The following CCSER1 variants were observed in gnomAD, a reference collection of about 807,000 sequenced individuals.
The protein encoded by CCSER1 is serine-rich coiled-coil domain-containing protein 1.
Under a neutral mutation model 82.0 loss-of-function variants are expected in CCSER1, and 41 were observed. The observed-to-expected ratio is 0.50, with a 90% CI of 0.39 to 0.65. The LOEUF (loss-of-function observed/expected upper bound fraction) is 0.65. CCSER1 is among the 30% of genes least tolerant of loss of function. The pLI, the probability that CCSER1 is intolerant of heterozygous loss-of-function variation, is 0.00. For synonymous variants in CCSER1, 414 were observed against 383.9 expected (o/e 1.08, Z -0.92); for missense variants, 1,119 against 1,064.2 (o/e 1.05, Z -0.72).
chr4:90,964,051 C>G (rs1734301438), intron 9 of CCSER1, among the ~76,000 whole-genome samples: 1 of 152,074 alleles, frequency 6.6e-6, no homozygotes, highest in Non-Finnish European at 1.5e-5. Context: ...CTTTTTTACA[C>G]TATTTGTGGA....
At chr4:90,667,041 G>A (rs1378805895) in intron 6 of CCSER1, among the ~76,000 whole-genome samples, 1 of 152,146 alleles carries the variant, frequency 6.6e-6, no homozygotes, top group African/African-American at 2.4e-5. Context: ...AAACTGCATG[G>A]TCTTTGGAAG....
At chr4:90,386,904 G>GT (rs993637833) in intron 3 of CCSER1, among the ~76,000 whole-genome samples, 1 of 151,906 alleles carries the variant, frequency 6.6e-6, no homozygotes, top group African/African-American at 2.4e-5. Flanking sequence ...CTAATATGGT[G>GT]TTTTTTTATG....
chr4:90,901,068 GTTTA>G (rs1724575822), intron 8 of CCSER1, among the ~76,000 whole-genome samples: 1 of 151,768 alleles, frequency 6.6e-6, no homozygotes, highest in Non-Finnish European at 1.5e-5. Flanking sequence ...AAAAACTGTT[GTTTA>G]TTTAAAGCCT....
intron 10 of CCSER1, among the ~76,000 whole-genome samples, chr4:91,258,060 T>C (rs551480963): frequency 5.3e-5 from 8 of 152,246 alleles, no homozygotes; most frequent in African/African-American, 1.4e-4. Context: ...TGAGACTTCA[T>C]ACCCAATATT....
chr4:90,428,403 T>C (rs552210533), intron 4 of CCSER1, among the ~76,000 whole-genome samples: 1 of 152,012 alleles, frequency 6.6e-6, no homozygotes, highest in East Asian at 1.9e-4. Flanking sequence ...GTATAACTTC[T>C]GACTCCCCCA....
intron 3 of CCSER1, among the ~76,000 whole-genome samples, chr4:90,351,059 A>G (rs532991898): frequency 6.6e-6 from 1 of 152,346 alleles, no homozygotes; most frequent in Admixed American, 6.5e-5. Flanking sequence ...GGGAAAAATA[A>G]CAAGAGGGCA....
At chr4:90,221,929 A>C (rs925715929) in intron 1 of CCSER1, among the ~76,000 whole-genome samples, 2 of 152,186 alleles carry the variant, frequency 1.3e-5, no homozygotes, top group African/African-American at 4.8e-5. Context: ...ATATTAGATA[A>C]ATGAAATATT....
At chr4:90,602,007 G>A (rs1400199462) in intron 5 of CCSER1, among the ~76,000 whole-genome samples, 1 of 152,034 alleles carries the variant, frequency 6.6e-6, no homozygotes, top group Admixed American at 6.6e-5. Context: ...GAACTTTAGA[G>A]GAATGTATTG....
chr4:90,822,945 A>G (rs977368921), intron 8 of CCSER1, among the ~76,000 whole-genome samples: 1 of 152,136 alleles, frequency 6.6e-6, no homozygotes, highest in African/African-American at 2.4e-5. Context: ...TAACATTACA[A>G]CAACTATACT....
intron 10 of CCSER1, among the ~76,000 whole-genome samples, chr4:91,114,419 C>T (rs1156932063): frequency 6.6e-6 from 1 of 152,116 alleles, no homozygotes; most frequent in Non-Finnish European, 1.5e-5. Context: ...ATGCTAAAGG[C>T]CCACTATGTT....
intron 8 of CCSER1, among the ~76,000 whole-genome samples, chr4:90,851,999 G>A (rs534255820): frequency 6.6e-6 from 1 of 152,134 alleles, no homozygotes; most frequent in African/African-American, 2.4e-5. Context: ...TCATGGTCCT[G>A]TCAAAACAGA....
At chr4:91,304,712 C>T (rs1264868253) in intron 10 of CCSER1, among the ~76,000 whole-genome samples, 3 of 152,014 alleles carry the variant, frequency 2.0e-5, no homozygotes, top group African/African-American at 7.2e-5. Flanking sequence ...CTTGGACACA[C>T]TGTTAACACT....
chr4:91,522,105 C>T (rs1328233016), intron 10 of CCSER1, among the ~76,000 whole-genome samples: 1 of 152,146 alleles, frequency 6.6e-6, no homozygotes, highest in Admixed American at 6.5e-5. Context: ...ATATGGCTAG[C>T]CCGTTTTCCC....
intron 1 of CCSER1, among the ~76,000 whole-genome samples, chr4:90,262,521 C>T (rs1301208601): frequency 2.0e-5 from 3 of 152,014 alleles, no homozygotes; most frequent in African/African-American, 7.3e-5. Context: ...TTAGTTTTTT[C>T]CTGTTATTTT....
chr4:91,597,243 CAA>C (rs1764626772), intron 10 of CCSER1, among the ~76,000 whole-genome samples: 1 of 151,996 alleles, frequency 6.6e-6, no homozygotes, highest in South Asian at 2.1e-4. Flanking sequence ...GAAACTACCT[CAA>C]AAGACTCTTG....
In CCSER1 at chr4:90,241,187, A is replaced by G. The variant is rs532929961; in HGVS notation, c.-41-67057A>G. Reference sequence around the variant, plus strand: ...TAGTCAGTCATTGTTTTTCTCTGTTATTAGTACAACCACTATTGTGGTTTA... The same window carrying G: ...TAGTCAGTCATTGTTTTTCTCTGTTGTTAGTACAACCACTATTGTGGTTTA... On this transcript the variant is annotated intron_variant, in intron 1 of 10. Coordinates refer to ENST00000509176, the MANE Select transcript of CCSER1 (RefSeq NM_001145065.2). Among the ~76,000 whole-genome samples, 128 of 152,282 alleles carry G rather than the reference A, an allele frequency of 8.4e-4. 1 individual carries two copies. The highest frequency in any genetic ancestry group is 2.9e-3 in the African/African-American group (121 of 41,570).
intron 10 of CCSER1, among the ~76,000 whole-genome samples, chr4:91,470,404 CATTTTATTAATAATATTTATATT>C (rs1214471049): frequency 6.6e-6 from 1 of 151,354 alleles, no homozygotes; most frequent in Non-Finnish European, 1.5e-5. Flanking sequence ...CTAATCTTTT[CATTTTATTAATAATATTTATATT>C]ATGGAAGACT....
chr4:90,272,184 G>A (rs1046191384), intron 1 of CCSER1, among the ~76,000 whole-genome samples: 6 of 151,898 alleles, frequency 4.0e-5, no homozygotes, highest in Non-Finnish European at 5.9e-5. Flanking sequence ...CAGCCAAACC[G>A]TATCAATATA....
At chr4:91,160,685 A>G (rs1301497703) in intron 10 of CCSER1, among the ~76,000 whole-genome samples, 3 of 152,192 alleles carry the variant, frequency 2.0e-5, no homozygotes, top group Admixed American at 2.0e-4. Flanking sequence ...TTGGCTGCAT[A>G]AATGCCTTCT....
Sources: allele counts gnomAD v4.1 joint callset (sites outside exome capture counted in the v4.1 genomes callset), GRCh38; gene constraint gnomAD v4.1.1; transcripts MANE v1.5; gene names NCBI Gene and HGNC (gene_info 2026-07-23, HGNC 2026-07-21).